Variants in RABGAP1L observed in about 807,000 individuals in gnomAD.
The protein encoded by RABGAP1L is rab GTPase-activating protein 1-like.
In RABGAP1L, 63 loss-of-function variants were observed where a neutral mutation model predicts 137.7. That is an observed-to-expected ratio of 0.46 (90% CI 0.37 to 0.56). RABGAP1L has a LOEUF of 0.56. Ranked by LOEUF, RABGAP1L falls within the 20% of genes least tolerant of loss-of-function variation. RABGAP1L has a pLI of 0.00. For synonymous variants in RABGAP1L, 431 were observed against 433.7 expected (o/e 0.99, Z 0.08); for missense variants, 1,095 against 1,244.0 (o/e 0.88, Z 1.80).
At chr1:174,174,374 T>C (rs1158634793) in intron 1 of RABGAP1L, among the ~76,000 whole-genome samples, 1 of 152,200 alleles carries the variant, frequency 6.6e-6, no homozygotes, top group African/African-American at 2.4e-5. Context: ...ACATGAAATA[T>C]ATGTCCTGTA....
intron 13 of RABGAP1L, among the ~76,000 whole-genome samples, chr1:174,613,466 T>C (rs1443650358): frequency 2.6e-5 from 4 of 152,158 alleles, no homozygotes; most frequent in Non-Finnish European, 5.9e-5. Context: ...TGAGGAGAGC[T>C]TTACTTCCAA....
intron 18 of RABGAP1L, among the ~76,000 whole-genome samples, chr1:174,805,113 T>A (rs968392540): frequency 5.5e-4 from 84 of 152,280 alleles, no homozygotes; most frequent in African/African-American, 1.9e-3. Flanking sequence ...CATCTTAACT[T>A]TTGAATATTG....
intron 1 of RABGAP1L, among the ~76,000 whole-genome samples, chr1:174,199,396 A>T (rs1479007265): frequency 6.6e-6 from 1 of 152,044 alleles, no homozygotes; most frequent in East Asian, 1.9e-4. Context: ...GATTCAAGCA[A>T]TTCTCCTGCC....
At position 174,287,611 on chromosome 1, in the gene RABGAP1L, G is replaced by GC. The variant is rs1181577517; in HGVS notation, c.1323+8838dup. Among the ~76,000 whole-genome samples, 3 of 152,248 alleles carry GC rather than the reference G, an allele frequency of 2.0e-5. No homozygotes were observed. In the South Asian group the frequency reaches 6.2e-4, roughly 32 times the overall value. On this transcript the variant is annotated intron_variant, in intron 10 of 25. Coordinates refer to ENST00000681986, the MANE Select transcript of RABGAP1L (RefSeq NM_001366446.1). ...GGGTTCAAGTGATTCTCCAACCTCA[G>GC]CCCCCCGAGTAGCTGGGATTACAGG...
chr1:174,959,699 C>T (rs1323675120), intron 20 of RABGAP1L, among the ~76,000 whole-genome samples: 1 of 152,120 alleles, frequency 6.6e-6, no homozygotes, highest in African/African-American at 2.4e-5. Context: ...TCAGTACATT[C>T]ATCTAATGTC....
At chr1:174,918,137 A>G (rs892842923) in intron 19 of RABGAP1L, among the ~76,000 whole-genome samples, 1 of 152,092 alleles carries the variant, frequency 6.6e-6, no homozygotes, top group African/African-American at 2.4e-5. Context: ...TTATGAAGTA[A>G]TTATGTTTTG....
chr1:174,297,486 C>A (rs905257540), intron 10 of RABGAP1L, among the ~76,000 whole-genome samples: 1 of 152,204 alleles, frequency 6.6e-6, no homozygotes, highest in Admixed American at 6.5e-5. Flanking sequence ...TTCTCGAGTT[C>A]CACTCCAATG....
At chr1:174,527,204 G>GTTT (rs57011947) in intron 13 of RABGAP1L, among the ~76,000 whole-genome samples, 8,707 of 119,436 alleles carry the variant, frequency 0.073, 451 homozygotes, top group East Asian at 0.29. Flanking sequence ...TTTTTATTTT[G>GTTT]TTTTTTTTTT....
intron 1 of RABGAP1L, among the ~76,000 whole-genome samples, chr1:174,179,267 G>A (rs1217142445): frequency 6.6e-6 from 1 of 152,056 alleles, no homozygotes; most frequent in African/African-American, 2.4e-5. Flanking sequence ...GTTCCATTGA[G>A]AGAAAATGTC....
chr1:174,764,400 G>A (rs1241776226), intron 18 of RABGAP1L, among the ~76,000 whole-genome samples: 1 of 152,170 alleles, frequency 6.6e-6, no homozygotes, highest in Non-Finnish European at 1.5e-5. Flanking sequence ...TTCCAAAGCA[G>A]CTGCACCATT....
At chr1:174,475,772 TAAAAA>T (rs61597461) in intron 13 of RABGAP1L, among the ~76,000 whole-genome samples, 1 of 69,928 alleles carries the variant, frequency 1.4e-5, no homozygotes, top group Admixed American at 2.0e-4. Flanking sequence ...CCCCGTGTCT[TAAAAA>T]AAAAAAAAAA....
chr1:174,920,062 G>A (rs548207858), intron 19 of RABGAP1L, among the ~76,000 whole-genome samples: 14 of 152,294 alleles, frequency 9.2e-5, no homozygotes, highest in South Asian at 4.1e-4. Flanking sequence ...AGAAACCAAG[G>A]CTTAGAGAAG....
intron 13 of RABGAP1L, among the ~76,000 whole-genome samples, chr1:174,570,309 A>T (rs940683049): frequency 6.6e-6 from 1 of 152,180 alleles, no homozygotes; most frequent in African/African-American, 2.4e-5. Flanking sequence ...CTAGGTTTTT[A>T]TTTTGCCTCT....
At chr1:174,208,801 T>C (rs1668673244) in intron 1 of RABGAP1L, among the ~76,000 whole-genome samples, 1 of 152,228 alleles carries the variant, frequency 6.6e-6, no homozygotes, top group Non-Finnish European at 1.5e-5. Context: ...TCTGCTTCTA[T>C]ATTCTGGAAG....
intron 13 of RABGAP1L, among the ~76,000 whole-genome samples, chr1:174,617,466 G>A (rs1371533524): frequency 6.6e-6 from 1 of 152,178 alleles, no homozygotes; most frequent in Non-Finnish European, 1.5e-5. Flanking sequence ...TTATAATTGA[G>A]AACTAGAACT....
At chr1:174,897,561 A>G (rs963591192) in intron 19 of RABGAP1L, 4 of 152,238 alleles carry the variant, frequency 2.6e-5, no homozygotes, top group Non-Finnish European at 5.9e-5. Flanking sequence ...TGTTGCTGAC[A>G]TTGTACTGAC....
chr1:174,711,706 G>C (rs1008192329), intron 17 of RABGAP1L, among the ~76,000 whole-genome samples: 2 of 152,332 alleles, frequency 1.3e-5, no homozygotes, highest in Admixed American at 1.3e-4. Context: ...ACGGGCTCCC[G>C]CACGCCCGAG....
chr1:174,984,645 G>A (rs1671433863), intron 24 of RABGAP1L, among the ~76,000 whole-genome samples: 1 of 152,140 alleles, frequency 6.6e-6, no homozygotes, highest in South Asian at 2.1e-4. Flanking sequence ...TGGAGGCTGA[G>A]GCACAAGAAT....
chr1:174,163,365 T>C (rs1357894187), intron 1 of RABGAP1L, among the ~76,000 whole-genome samples: 1 of 152,200 alleles, frequency 6.6e-6, no homozygotes, highest in Non-Finnish European at 1.5e-5. Context: ...CCCATATTGC[T>C]CTTATTCAAC....
Sources: gnomAD v4.1 joint callset for allele counts (sites outside exome capture counted in the v4.1 genomes callset) on GRCh38, gnomAD v4.1.1 for gene constraint, MANE v1.5 for transcripts, NCBI Gene and HGNC (gene_info 2026-07-23, HGNC 2026-07-21) for gene names.